NAMPT: variants seen among roughly 807,000 people sequenced by gnomAD.
The protein encoded by NAMPT is nicotinamide phosphoribosyltransferase.
In NAMPT, 7 loss-of-function variants were observed where a neutral mutation model predicts 58.7. The observed-to-expected ratio is 0.12, with a 90% CI of 0.07 to 0.22. The LOEUF (loss-of-function observed/expected upper bound fraction) is 0.22. NAMPT is among the 10% of genes least tolerant of loss of function. NAMPT has a pLI of 1.00. For missense variants in NAMPT, 271 were observed against 567.9 expected, an observed-to-expected ratio of 0.48 and a Z score of 5.31; for synonymous variants, 145 against 198.1, an observed-to-expected ratio of 0.73 and a Z score of 2.25.
At chr7:106,280,796 C>G (rs566481672) in intron 1 of NAMPT, among the ~76,000 whole-genome samples, 3 of 152,044 alleles carry the variant, frequency 2.0e-5, no homozygotes, top group Admixed American at 6.5e-5. Context: ...AAAAAACTAG[C>G]CGGGCGTGGT....
intron 6 of NAMPT, among the ~76,000 whole-genome samples, chr7:106,264,810 A>C (rs1436304828): frequency 6.6e-6 from 1 of 152,074 alleles, no homozygotes; most frequent in Non-Finnish European, 1.5e-5. Flanking sequence ...AAGTAGGTAT[A>C]AGTTTAACTC....
At chr7:106,283,867 A>T (rs1792811699) in intron 1 of NAMPT, among the ~76,000 whole-genome samples, 1 of 152,216 alleles carries the variant, frequency 6.6e-6, no homozygotes, top group Non-Finnish European at 1.5e-5. Flanking sequence ...GAATCAAAAC[A>T]AAAACATGAG....
chr7:106,264,288 A>C (rs1792368795), intron 6 of NAMPT, among the ~76,000 whole-genome samples: 1 of 152,108 alleles, frequency 6.6e-6, no homozygotes, highest in Admixed American at 6.5e-5. Context: ...AACATAATTA[A>C]GATGGAAAAT....
chr7:106,281,938 C>A (rs1792773542), intron 1 of NAMPT, among the ~76,000 whole-genome samples: 2 of 152,080 alleles, frequency 1.3e-5, no homozygotes, highest in South Asian at 4.1e-4. Context: ...AATTAATCTC[C>A]CTATGAAGTA....
chr7:106,277,404 A>C lies in NAMPT; in HGVS notation c.58-225T>G, dbSNP rs1007125468. Among the ~76,000 whole-genome samples the C allele has an allele frequency of 1.4e-4, 22 of 152,214 alleles. 1 individual carries two copies. The highest frequency in any genetic ancestry group is 1.2e-3 in the Admixed American group (19 of 15,288). On this transcript the variant is annotated intron_variant, in intron 1 of 10. Transcript: ENST00000222553. ...AGCGTTAAATTTTACATACAAGCAC[A>C]CTAAATCTACTACAAGGCCTCTAGG...
intron 4 of NAMPT, 33 bp downstream of exon 4, chr7:106,272,497 T>A: frequency 1.3e-6 from 2 of 1,560,230 alleles, no homozygotes; most frequent in Non-Finnish European, 1.8e-6. Context: ...TTTATTCAAT[T>A]AATGTTAAAT....
At chr7:106,258,771 AG>A (rs1792252963) in intron 8 of NAMPT, among the ~76,000 whole-genome samples, 1 of 152,230 alleles carries the variant, frequency 6.6e-6, no homozygotes, top group Non-Finnish European at 1.5e-5. Flanking sequence ...TGGTCACTTG[AG>A]CCTTCAGTGA....
intron 1 of NAMPT, chr7:106,284,356 C>CAGGGGCGAGCGCGCCGGG (rs1792822929): frequency 6.9e-6 from 1 of 144,682 alleles, no homozygotes; most frequent in African/African-American, 2.7e-5. Flanking sequence ...ACCTGCCCAG[C>CAGGGGCGAGCGCGCCGGG]CAGGGGCGAG....
At chr7:106,261,259 A>C (rs1792296162) in intron 8 of NAMPT, among the ~76,000 whole-genome samples, 1 of 152,158 alleles carries the variant, frequency 6.6e-6, no homozygotes, top group Non-Finnish European at 1.5e-5. Context: ...CAGTCTATGA[A>C]AACTCAGACC....
chr7:106,279,259 CTA>C (rs1491274154), intron 1 of NAMPT, among the ~76,000 whole-genome samples: 1 of 152,146 alleles, frequency 6.6e-6, no homozygotes, highest in African/African-American at 2.4e-5. Flanking sequence ...AGTATGAACT[CTA>C]AAAATCTTTG....
chr7:106,255,513 C>G (rs1480035832), intron 8 of NAMPT, among the ~76,000 whole-genome samples: 1 of 151,940 alleles, frequency 6.6e-6, no homozygotes, highest in Non-Finnish European at 1.5e-5. Flanking sequence ...AATTGACTTT[C>G]TTTGTTTTCA....
chr7:106,270,607 T>C (rs1276853855), intron 4 of NAMPT, among the ~76,000 whole-genome samples: 1 of 152,166 alleles, frequency 6.6e-6, no homozygotes, highest in African/African-American at 2.4e-5. Flanking sequence ...GAGAAAGTCA[T>C]GTGTGACTCC....
intron 1 of NAMPT, chr7:106,284,213 G>A (rs367849778): frequency 6.6e-6 from 1 of 152,228 alleles, no homozygotes; most frequent in Non-Finnish European, 1.5e-5. Context: ...AACGGAGCCC[G>A]GCGGAGTGGG....
chr7:106,252,780 C>G (rs1193054386), intron 10 of NAMPT, among the ~76,000 whole-genome samples: 2 of 152,046 alleles, frequency 1.3e-5, no homozygotes, highest in Non-Finnish European at 2.9e-5. Flanking sequence ...TACAAACTTG[C>G]TGTCAATCAC....
intron 1 of NAMPT, among the ~76,000 whole-genome samples, chr7:106,279,701 T>C (rs1792722711): frequency 6.6e-6 from 1 of 152,142 alleles, no homozygotes; most frequent in African/African-American, 2.4e-5. Flanking sequence ...GATGAGAAAG[T>C]AAATAGAATG....
intron 1 of NAMPT, among the ~76,000 whole-genome samples, chr7:106,280,266 T>C (rs553713719): frequency 2.0e-5 from 3 of 152,236 alleles, no homozygotes; most frequent in East Asian, 1.9e-4. Context: ...AAGATGATAA[T>C]GAGGGAGAAG....
Position 106,263,472 on chromosome 7 carries a change from G to A in NAMPT, c.889C>T (p.His297Tyr). ...TGTGTACTTCTTGATACTATTAAAT[G>A]TCTTAGATCTTCACCCCATATTTTC... ...CEKIWGEDLR[H>Y]LIVSRSTQAP... Residue 297 changes from histidine to tyrosine, a missense_variant, in exon 7 of 11, where the codon CAT becomes TAT. His to Tyr is a moderately conservative substitution (Grantham distance 83, BLOSUM62 2). This residue lies in a region of NAMPT where 143 missense variants were observed against 331.1 expected (regional missense o/e 0.43). Transcript: ENST00000222553. 6.2e-7 allele frequency: 1 copy of A among 1,601,898 alleles called. No individual in the cohort carries two copies. Among genetic ancestry groups the A allele is most frequent in the Non-Finnish European group, 8.6e-7 (1 of 1,169,102 alleles).
intron 8 of NAMPT, among the ~76,000 whole-genome samples, chr7:106,257,218 T>G (rs937262367): frequency 2.0e-5 from 3 of 151,962 alleles, no homozygotes; most frequent in African/African-American, 7.3e-5. Context: ...TTCAATCCTC[T>G]AATTGTTCTG....
chr7:106,261,444 A>G, intron 8 of NAMPT, 144 bp downstream of exon 8: 2 of 645,626 alleles, frequency 3.1e-6, no homozygotes, highest in Non-Finnish European at 5.0e-6. Flanking sequence ...ATTATTTCTA[A>G]ACTTTAAGCA....
Sources: gnomAD v4.1 joint callset for allele counts (sites outside exome capture counted in the v4.1 genomes callset) on GRCh38, gnomAD v4.1.1 for gene constraint, gnomAD v4.1.1 regional missense constraint, MANE v1.5 for transcripts, NCBI Gene and HGNC (gene_info 2026-07-23, HGNC 2026-07-21) for gene names.